SYNE1: variants seen among roughly 807,000 people sequenced by gnomAD.
SYNE1 encodes the protein spectrin repeat containing nuclear envelope protein 1.
A neutral mutation model predicts 1,111.0 loss-of-function variants in SYNE1; 616 were observed. The observed-to-expected ratio is 0.55, with a 90% CI of 0.52 to 0.59. The LOEUF (loss-of-function observed/expected upper bound fraction) is 0.59. SYNE1 is among the 20% of genes least tolerant of loss of function. The pLI, the probability that SYNE1 is intolerant of heterozygous loss-of-function variation, is 0.00. For missense variants in SYNE1, 10,006 were observed against 10,417.0 expected (o/e 0.96, Z 1.72); for synonymous variants, 3,855 against 3,825.8 (o/e 1.01, Z -0.28).
At chr6:152,583,168 C>G (rs979632487) in intron 3 of SYNE1, among the ~76,000 whole-genome samples, 3 of 152,148 alleles carry the variant, frequency 2.0e-5, no homozygotes, top group South Asian at 2.1e-4. Context: ...TTTTGAGTTA[C>G]CTTTGCTCAG....
At chr6:152,336,051 T>C (rs777225565) in intron 76 of SYNE1, 4 of 151,844 alleles carry the variant, frequency 2.6e-5, no homozygotes, top group Non-Finnish European at 5.9e-5. Flanking sequence ...ACTGCATTTA[T>C]ATTATACTTT....
At chr6:152,469,498 T>C (rs2098792956) in intron 16 of SYNE1, among the ~76,000 whole-genome samples, 2 of 152,202 alleles carry the variant, frequency 1.3e-5, no homozygotes, top group Admixed American at 1.3e-4. Flanking sequence ...TGCTGCCTCA[T>C]ATATAACTAA....
chr6:152,439,670 G>GA (rs2098510061), intron 32 of SYNE1, among the ~76,000 whole-genome samples: 1 of 152,158 alleles, frequency 6.6e-6, no homozygotes, highest in African/African-American at 2.4e-5. Context: ...AGCAGTATGG[G>GA]AGAGAGTGAA....
rs764852477 is a variant in SYNE1 at position 152,369,169 on chromosome 6, AG to A, written c.9652-43del. On this transcript the variant is annotated intron_variant, in intron 60 of 145. Coordinates refer to ENST00000367255, the MANE Select transcript of SYNE1 (RefSeq NM_182961.4). ...AGTTACTATTCAGAGGCTGGGGAAA[AG>A]CACATCGCGGACGAAGCTTTGGCCC... 6.8e-6 allele frequency: 11 copies of A among 1,606,486 alleles called. No homozygotes were observed. The Admixed American group carries it at 1.8e-4, about 27-fold the overall frequency.
In SYNE1 at chr6:152,330,002, G is replaced by T; in HGVS notation, c.14683C>A (p.Arg4895Ser). The T allele has an allele frequency of 6.2e-7, 1 of 1,614,108 alleles. No individual in the cohort carries two copies. The highest frequency in any genetic ancestry group is 8.5e-7 in the Non-Finnish European group (1 of 1,180,022). The change falls in exon 78 of 146, where the codon CGC (arginine) becomes AGC (serine). Residue 4895 changes from arginine to serine, a missense_variant. By Grantham distance (110) the Arg-to-Ser change is moderately radical. Transcript: ENST00000367255. ...QSIDFQTEMS[R>S]SLDWLRRVKA... ...ACTCTCCTCAGCCAGTCCAGGGAGCGACTCATCTCAGTCTGGAAGTCTATA... is the reference window on the plus strand; with the variant it reads ...ACTCTCCTCAGCCAGTCCAGGGAGCTACTCATCTCAGTCTGGAAGTCTATA...
chr6:152,503,606 A>G (rs917164427), intron 9 of SYNE1, among the ~76,000 whole-genome samples: 2 of 152,218 alleles, frequency 1.3e-5, no homozygotes, highest in East Asian at 1.9e-4. Context: ...AATTGCCACA[A>G]TGAAGTATAA....
intron 20 of SYNE1, 83 bp downstream of exon 20, chr6:152,462,655 C>A: frequency 6.4e-7 from 1 of 1,561,244 alleles, no homozygotes; most frequent in South Asian, 1.1e-5. Context: ...ACAGAAACAG[C>A]TTTTGCAATG....
intron 52 of SYNE1, 91 bp downstream of exon 52, chr6:152,391,186 T>C: frequency 6.3e-7 from 1 of 1,587,244 alleles, no homozygotes; most frequent in Non-Finnish European, 8.6e-7. Flanking sequence ...TTTAGAGGCT[T>C]ACAGAACAAT....
intron 54 of SYNE1, 128 bp from the exon 55 acceptor site, chr6:152,385,966 T>C: frequency 1.1e-6 from 1 of 869,754 alleles, no homozygotes; most frequent in Non-Finnish European, 1.8e-6. Flanking sequence ...TTGAATTTTC[T>C]CTGAGTTTAA....
chr6:152,268,674 ATTCT>A (rs2092948424), intron 99 of SYNE1, among the ~76,000 whole-genome samples: 1 of 152,194 alleles, frequency 6.6e-6, no homozygotes, highest in African/African-American at 2.4e-5. Flanking sequence ...ATGAGAAATC[ATTCT>A]TATTCATCAA....
chr6:152,260,206 G>A (rs1001296155), intron 101 of SYNE1, among the ~76,000 whole-genome samples: 1 of 152,216 alleles, frequency 6.6e-6, no homozygotes, highest in African/African-American at 2.4e-5. Context: ...AAAGACTGCA[G>A]TCCCTGATTC....
At chr6:152,500,453 C>T (rs1337090372) in intron 10 of SYNE1, among the ~76,000 whole-genome samples, 1 of 152,146 alleles carries the variant, frequency 6.6e-6, no homozygotes, top group African/African-American at 2.4e-5. Context: ...GTTCCCTGAA[C>T]TTATTGTTTT....
At chr6:152,240,490 C>T (rs1384657012) in intron 107 of SYNE1, among the ~76,000 whole-genome samples, 2 of 152,144 alleles carry the variant, frequency 1.3e-5, no homozygotes, top group African/African-American at 2.4e-5. Flanking sequence ...GTAGGCCTTG[C>T]GCCATCCTAC....
intron 28 of SYNE1, among the ~76,000 whole-genome samples, chr6:152,448,142 T>C (rs1010584344): frequency 2.6e-5 from 4 of 152,254 alleles, no homozygotes; most frequent in African/African-American, 9.6e-5. Flanking sequence ...TTTATTAGCT[T>C]TTAGAAGCCA....
At chr6:152,452,302 G>GGTGTGT (rs138437661) in intron 25 of SYNE1, among the ~76,000 whole-genome samples, 1 of 150,828 alleles carries the variant, frequency 6.6e-6, no homozygotes, top group Non-Finnish European at 1.5e-5. Flanking sequence ...AAATCCTAGA[G>GGTGTGT]GTGTGTGTGT....
At chr6:152,456,490 C>CTATATA (rs139681123) in intron 22 of SYNE1, among the ~76,000 whole-genome samples, 362 of 148,066 alleles carry the variant, frequency 2.4e-3, no homozygotes, top group Middle Eastern at 7.1e-3. Context: ...AAGAGATGCA[C>CTATATA]TATATATATA....
chr6:152,476,305 T>C (rs961693173), intron 14 of SYNE1, among the ~76,000 whole-genome samples: 4 of 152,240 alleles, frequency 2.6e-5, no homozygotes, highest in African/African-American at 9.6e-5. Context: ...CTATTCTTAA[T>C]TGATAGAAAC....
At chr6:152,325,354 T>A (rs2096032638) in intron 80 of SYNE1, 52 bp from the exon 81 acceptor site, 7 of 1,573,744 alleles carry the variant, frequency 4.4e-6, no homozygotes, top group Admixed American at 3.3e-5. Flanking sequence ...GAGATCAATT[T>A]AATTTTATAA....
At chr6:152,359,705 A>G (rs973402218) in intron 64 of SYNE1, among the ~76,000 whole-genome samples, 1 of 151,624 alleles carries the variant, frequency 6.6e-6, no homozygotes, top group Non-Finnish European at 1.5e-5. Context: ...CCAATTAACT[A>G]CTTTATATTT....
Sources: allele counts gnomAD v4.1 joint callset (sites outside exome capture counted in the v4.1 genomes callset), GRCh38; gene constraint gnomAD v4.1.1; transcripts MANE v1.5; gene names NCBI Gene and HGNC (gene_info 2026-07-23, HGNC 2026-07-21).